Variants in DSCAM observed in about 807,000 individuals in gnomAD.
DSCAM encodes cell adhesion molecule DSCAM.
In DSCAM, 47 loss-of-function variants were observed where a neutral mutation model predicts 217.7. The observed-to-expected ratio is 0.22, with a 90% CI of 0.17 to 0.28. The LOEUF (loss-of-function observed/expected upper bound fraction) is 0.28. Among genes scored for constraint, DSCAM ranks in the 10% least tolerant of loss-of-function variants. The pLI, the probability that DSCAM is intolerant of heterozygous loss-of-function variation, is 1.00. For missense variants in DSCAM, 2,080 were observed against 2,618.3 expected (o/e 0.79, Z 4.49); for synonymous variants, 1,056 against 1,015.3 (o/e 1.04, Z -0.76).
intron 3 of DSCAM, among the ~76,000 whole-genome samples, chr21:40,540,626 C>T (rs1245015516): frequency 6.6e-6 from 1 of 152,052 alleles, no homozygotes; most frequent in Non-Finnish European, 1.5e-5. Context: ...AGAAAAAGAT[C>T]GGTAATAAAC....
intron 9 of DSCAM, among the ~76,000 whole-genome samples, chr21:40,310,988 T>C (rs1405798622): frequency 6.6e-6 from 1 of 152,184 alleles, no homozygotes; most frequent in African/African-American, 2.4e-5. Flanking sequence ...CTATGACTTC[T>C]AAGTCTGTGT....
rs549337537 is a variant in DSCAM, at chr21:40,413,963, T to C, written c.509-44718A>G. Among the ~76,000 whole-genome samples, 11 of 152,288 alleles carry C rather than the reference T, an allele frequency of 7.2e-5. 1 individual carries two copies. The highest frequency in any genetic ancestry group is 2.4e-4 in the African/African-American group (10 of 41,564). ...ACCTCAATTATTGCTTCAAACCATA[T>C]ACAGAACTTAACTTGAAGTAGCTCA... On this transcript the variant is annotated intron_variant, in intron 3 of 32. Coordinates refer to ENST00000400454, the MANE Select transcript of DSCAM (RefSeq NM_001389.5).
intron 1 of DSCAM, among the ~76,000 whole-genome samples, chr21:40,826,364 G>A (rs1201949371): frequency 1.3e-5 from 2 of 152,232 alleles, no homozygotes; most frequent in Non-Finnish European, 2.9e-5. Context: ...GCTCTGTGGA[G>A]GGGGTGGGGT....
intron 3 of DSCAM, among the ~76,000 whole-genome samples, chr21:40,577,876 G>A (rs1378450749): frequency 6.6e-6 from 1 of 152,170 alleles, no homozygotes; most frequent in African/African-American, 2.4e-5. Flanking sequence ...TGCGGATACA[G>A]CTCGCCACAG....
intron 16 of DSCAM, among the ~76,000 whole-genome samples, chr21:40,164,913 A>G (rs1055809299): frequency 2.0e-5 from 3 of 152,218 alleles, no homozygotes; most frequent in Non-Finnish European, 4.4e-5. Flanking sequence ...AATAAATGTA[A>G]TATCTATCTC....
At chr21:40,330,259 T>TTA (rs1280308658) in intron 8 of DSCAM, among the ~76,000 whole-genome samples, 2 of 148,000 alleles carry the variant, frequency 1.4e-5, no homozygotes, top group Admixed American at 6.8e-5. Context: ...ATGCATATAT[T>TTA]TATATATATC....
chr21:40,728,035 C>G (rs904162614), intron 1 of DSCAM, among the ~76,000 whole-genome samples: 13 of 152,172 alleles, frequency 8.5e-5, no homozygotes, highest in African/African-American at 2.9e-4. Flanking sequence ...CCGTCTCCCC[C>G]TCAGGGATGC....
At chr21:40,717,230 C>G (rs1236790058) in intron 1 of DSCAM, among the ~76,000 whole-genome samples, 1 of 152,212 alleles carries the variant, frequency 6.6e-6, no homozygotes, top group Non-Finnish European at 1.5e-5. Flanking sequence ...CACTAATAAC[C>G]AAGGCGTGGA....
chr21:40,562,407 T>G (rs1212728587), intron 3 of DSCAM, among the ~76,000 whole-genome samples: 4 of 152,220 alleles, frequency 2.6e-5, no homozygotes, highest in African/African-American at 9.7e-5. Flanking sequence ...TGTGGAACTG[T>G]GAGCTAATTA....
chr21:40,602,047 C>A (rs1195539872), intron 3 of DSCAM, among the ~76,000 whole-genome samples: 3 of 141,284 alleles, frequency 2.1e-5, no homozygotes, highest in Non-Finnish European at 3.0e-5. Context: ...GTTCCCTCTG[C>A]TTCTACTTTT....
At chr21:40,183,767 A>G (rs1252333027) in intron 14 of DSCAM, among the ~76,000 whole-genome samples, 1 of 152,240 alleles carries the variant, frequency 6.6e-6, no homozygotes, top group African/African-American at 2.4e-5. Context: ...GGTCACTTGC[A>G]GAAGTTCTTT....
At chr21:40,250,155 G>T (rs1005378246) in intron 11 of DSCAM, among the ~76,000 whole-genome samples, 2 of 152,202 alleles carry the variant, frequency 1.3e-5, no homozygotes, top group African/African-American at 4.8e-5. Context: ...GTTCAGGCCA[G>T]TAGAATGACC....
At chr21:40,249,951 A>C (rs578167217) in intron 11 of DSCAM, among the ~76,000 whole-genome samples, 14 of 152,214 alleles carry the variant, frequency 9.2e-5, no homozygotes, top group African/African-American at 3.4e-4. Context: ...GGAAACCCTA[A>C]GCTGACACAC....
chr21:40,713,590 G>A (rs1430255754), intron 1 of DSCAM, among the ~76,000 whole-genome samples: 8 of 152,104 alleles, frequency 5.3e-5, no homozygotes, highest in African/African-American at 1.7e-4. Context: ...GGATGAGGAA[G>A]GGCAAGTGTA....
At chr21:40,614,668 T>C (rs2089364350) in intron 3 of DSCAM, among the ~76,000 whole-genome samples, 1 of 152,182 alleles carries the variant, frequency 6.6e-6, no homozygotes, top group African/African-American at 2.4e-5. Context: ...GACATGTGAC[T>C]GCAAATAAAT....
chr21:40,798,842 C>T (rs548706170), intron 1 of DSCAM, among the ~76,000 whole-genome samples: 2 of 152,130 alleles, frequency 1.3e-5, no homozygotes, highest in South Asian at 2.1e-4. Context: ...GTATATATTG[C>T]TCTTCAATTA....
At chr21:40,344,844 A>T (rs1417016065) in intron 6 of DSCAM, among the ~76,000 whole-genome samples, 1 of 152,158 alleles carries the variant, frequency 6.6e-6, no homozygotes, top group African/African-American at 2.4e-5. Context: ...TTATCTCTGA[A>T]TACTTTTTTC....
intron 11 of DSCAM, among the ~76,000 whole-genome samples, chr21:40,246,553 A>G (rs879864464): frequency 2.6e-5 from 4 of 151,426 alleles, no homozygotes; most frequent in Non-Finnish European, 4.4e-5. Flanking sequence ...AGAAAAAAAA[A>G]AAGAGGCCCC....
chr21:40,539,900 T>C (rs1167003553), intron 3 of DSCAM, among the ~76,000 whole-genome samples: 1 of 152,228 alleles, frequency 6.6e-6, no homozygotes, highest in East Asian at 1.9e-4. Context: ...TTTTCCCATG[T>C]ACTCACAAAT....
Sources: gnomAD v4.1 joint callset for allele counts (sites outside exome capture counted in the v4.1 genomes callset) on GRCh38, gnomAD v4.1.1 for gene constraint, MANE v1.5 for transcripts, NCBI Gene and HGNC (gene_info 2026-07-23, HGNC 2026-07-21) for gene names.